The following MYO1B variants were observed in gnomAD, a reference collection of about 807,000 sequenced individuals.
The protein encoded by MYO1B is myosin IB.
In MYO1B, 72 loss-of-function variants were observed where a neutral mutation model predicts 159.7. The observed-to-expected ratio is 0.45, with a 90% CI of 0.37 to 0.55. MYO1B has a LOEUF of 0.55. Among genes scored for constraint, MYO1B ranks in the 20% least tolerant of loss-of-function variants. MYO1B has a pLI of 0.00. For synonymous variants in MYO1B, 468 were observed against 473.8 expected (o/e 0.99, Z 0.16); for missense variants, 1,062 against 1,364.8 (o/e 0.78, Z 3.50).
chr2:191,331,479 A>C (rs1691470047), intron 4 of MYO1B, among the ~76,000 whole-genome samples: 1 of 152,180 alleles, frequency 6.6e-6, no homozygotes, highest in African/African-American at 2.4e-5. Flanking sequence ...GCTACCTGGA[A>C]CTTTACCATA....
At position 191,345,495 on chromosome 2, in the gene MYO1B, G is replaced by T. The variant is rs144172956; in HGVS notation, c.452-741G>T. Among the ~76,000 whole-genome samples, 421 of 152,306 alleles carry T rather than the reference G, an allele frequency of 2.8e-3. 2 individuals are homozygous for T. Among genetic ancestry groups the T allele is most frequent in the African/African-American group, 9.9e-3 (412 of 41,566 alleles). ...ACAAGAGCACTGTGTGTCTGGACCA[G>T]CGTCAACCATGGGGTTCTTAAACGC... On this transcript the variant is annotated intron_variant, in intron 5 of 30. Transcript: ENST00000392318.
At chr2:191,264,953 A>G (rs1435084512) in intron 1 of MYO1B, among the ~76,000 whole-genome samples, 1 of 151,970 alleles carries the variant, frequency 6.6e-6, no homozygotes, top group Non-Finnish European at 1.5e-5. Context: ...CAGTGTGCCC[A>G]GTGTCTCACT....
intron 7 of MYO1B, among the ~76,000 whole-genome samples, chr2:191,360,209 G>A (rs1364767076): frequency 2.0e-5 from 3 of 152,092 alleles, no homozygotes; most frequent in Non-Finnish European, 2.9e-5. Context: ...GATACCATCT[G>A]TAAAACACTA....
At chr2:191,398,683 A>T (rs967900909) in intron 21 of MYO1B, among the ~76,000 whole-genome samples, 26 of 148,566 alleles carry the variant, frequency 1.8e-4, no homozygotes, top group Admixed American at 1.3e-4. Flanking sequence ...TCAGGCAGAG[A>T]TGCTCCTCAC....
chr2:191,295,607 A>G (rs1688935938), intron 2 of MYO1B, among the ~76,000 whole-genome samples: 1 of 152,162 alleles, frequency 6.6e-6, no homozygotes, highest in South Asian at 2.1e-4. Flanking sequence ...ATCTGAGCCC[A>G]TTGTGGAAAG....
At chr2:191,302,262 G>T (rs1309884282) in intron 3 of MYO1B, among the ~76,000 whole-genome samples, 1 of 152,144 alleles carries the variant, frequency 6.6e-6, no homozygotes, top group Non-Finnish European at 1.5e-5. Flanking sequence ...TCACCCTCTT[G>T]AATGAGATAG....
chr2:191,398,288 G>A (rs1341539204), intron 21 of MYO1B, among the ~76,000 whole-genome samples: 10 of 105,178 alleles, frequency 9.5e-5, no homozygotes, highest in South Asian at 3.0e-4. Flanking sequence ...CTGGCCGGGC[G>A]GGGGGCTGAC....
At chr2:191,354,586 T>A (rs974069345) in intron 7 of MYO1B, among the ~76,000 whole-genome samples, 1 of 152,120 alleles carries the variant, frequency 6.6e-6, no homozygotes, top group Non-Finnish European at 1.5e-5. Flanking sequence ...TTTGTCTATG[T>A]TCCAGTTATT....
chr2:191,295,695 T>C (rs1438147252), intron 2 of MYO1B, among the ~76,000 whole-genome samples: 3 of 152,044 alleles, frequency 2.0e-5, no homozygotes, highest in Non-Finnish European at 4.4e-5. Flanking sequence ...AACACTGGGA[T>C]ACTGTTGACT....
intron 19 of MYO1B, among the ~76,000 whole-genome samples, chr2:191,392,713 C>T (rs1450808058): frequency 6.6e-6 from 1 of 151,988 alleles, no homozygotes; most frequent in East Asian, 1.9e-4. Context: ...AATTTGGAAA[C>T]GTTAAGATTT....
chr2:191,409,460 A>T (rs1697132514), intron 26 of MYO1B, among the ~76,000 whole-genome samples: 1 of 152,094 alleles, frequency 6.6e-6, no homozygotes, highest in Non-Finnish European at 1.5e-5. Context: ...CAAGTAGTTC[A>T]GTTTTTTGTT....
chr2:191,251,521 A>G (rs1686116329), intron 1 of MYO1B, among the ~76,000 whole-genome samples: 1 of 152,250 alleles, frequency 6.6e-6, no homozygotes, highest in East Asian at 1.9e-4. Flanking sequence ...AGAGAGGCTT[A>G]AGAGGAAACC....
In MYO1B at chr2:191,400,400, G is replaced by A. The variant is rs1696535172; in HGVS notation, c.2314G>A (p.Glu772Lys). 6.2e-7 allele frequency: 1 copy of A among 1,614,056 alleles called. No individual in the cohort carries two copies. Residue 772 changes from glutamate (E) to lysine (K), a missense_variant, in exon 22 of 31, where the codon GAA (glutamate) becomes AAA (lysine). Transcript: ENST00000392318. ...CCTTTAGGCTCGAAAAATTCTGCGGGAACTGAAGCATCAAAAGCGCTGTAA... is the reference window on the plus strand; with the variant it reads ...CCTTTAGGCTCGAAAAATTCTGCGGAAACTGAAGCATCAAAAGCGCTGTAA... ...RGWKARKILR[E>K]LKHQKRCKEA...
At chr2:191,404,278 CTT>C (rs1696778822) in intron 24 of MYO1B, among the ~76,000 whole-genome samples, 1 of 152,116 alleles carries the variant, frequency 6.6e-6, no homozygotes, top group East Asian at 1.9e-4. Flanking sequence ...TGTCACCAGG[CTT>C]TTAGTGTCTG....
intron 2 of MYO1B, among the ~76,000 whole-genome samples, chr2:191,293,178 G>A (rs534934874): frequency 6.6e-6 from 1 of 152,286 alleles, no homozygotes; most frequent in East Asian, 1.9e-4. Flanking sequence ...ACTTCCCTTT[G>A]GTTAAATCAA....
At chr2:191,279,497 G>T (rs367544086) in intron 2 of MYO1B, among the ~76,000 whole-genome samples, 1 of 152,012 alleles carries the variant, frequency 6.6e-6, no homozygotes, top group Admixed American at 6.6e-5. Flanking sequence ...TAGGACTTAA[G>T]TCAATCATAT....
At chr2:191,407,988 A>G in intron 24 of MYO1B, 127 bp from the exon 25 acceptor site, 1 of 523,478 alleles carries the variant, frequency 1.9e-6, no homozygotes, top group Non-Finnish European at 3.4e-6. Flanking sequence ...CAATTATTTT[A>G]CTAAATCTAG....
chr2:191,266,103 G>C (rs1408984192), intron 1 of MYO1B, among the ~76,000 whole-genome samples: 1 of 152,172 alleles, frequency 6.6e-6, no homozygotes, highest in Admixed American at 6.5e-5. Context: ...AATGACTGTA[G>C]GGACAGTGGT....
chr2:191,402,733 A>G lies in MYO1B; in HGVS notation c.2556+15A>G, dbSNP rs887095991. 1.3e-5 allele frequency: 21 copies of G among 1,603,770 alleles called. No individual in the cohort carries two copies. The highest frequency in any genetic ancestry group is 1.7e-5 in the Non-Finnish European group (20 of 1,174,778). On this transcript the variant is annotated intron_variant, in intron 24 of 30. Transcript: ENST00000392318. ...TTGGACTGAAGGTACTTCCTCAACC[A>G]CTTGTTTCTGTCCAGGGTGAACTTC...
Sources: gnomAD v4.1 joint callset for allele counts (sites outside exome capture counted in the v4.1 genomes callset) on GRCh38, gnomAD v4.1.1 for gene constraint, MANE v1.5 for transcripts, NCBI Gene and HGNC (gene_info 2026-07-23, HGNC 2026-07-21) for gene names.